MEI4: variants seen among roughly 807,000 people sequenced by gnomAD.
MEI4 encodes meiotic double-stranded break formation protein 4, also known as meiosis-specific protein MEI4.
In MEI4, 27 loss-of-function variants were observed where a neutral mutation model predicts 31.4. The ratio of observed to expected loss-of-function variants is 0.86; its 90% CI spans 0.63 to 1.19. The LOEUF (loss-of-function observed/expected upper bound fraction) is 1.19, where lower values mean the gene tolerates loss of function less well. MEI4 is among the 50% of genes most tolerant of loss of function. The pLI, the probability that MEI4 is intolerant of heterozygous loss-of-function variation, is 0.00. For missense variants in MEI4, 329 were observed against 398.9 expected (o/e 0.82, Z 1.49); for synonymous variants, 122 against 145.4 (o/e 0.84, Z 1.16).
chr6:77,921,385 T>G lies in MEI4; in HGVS notation c.901-1704T>G, dbSNP rs563386447. Among the ~76,000 whole-genome samples, 17 of 151,962 alleles carry G rather than the reference T, an allele frequency of 1.1e-4. No homozygotes were observed. In the South Asian group the frequency reaches 3.5e-3, roughly 31 times the overall value. On this transcript the variant is annotated intron_variant, in intron 4 of 4. Transcript: ENST00000684080. ...TGAAGAGTTAGGCCTTTTCTCTGGT[T>G]CAGGTATTGGCTTAAGTGAATATTG...
intron 4 of MEI4, among the ~76,000 whole-genome samples, chr6:77,874,283 A>G (rs1011945438): frequency 9.2e-5 from 14 of 152,060 alleles, no homozygotes; most frequent in African/African-American, 3.4e-4. Flanking sequence ...TATTTCCTTG[A>G]GCAGTGGTTT....
chr6:77,740,792 A>G (rs1364694299), intron 2 of MEI4, among the ~76,000 whole-genome samples: 1 of 151,890 alleles, frequency 6.6e-6, no homozygotes, highest in East Asian at 1.9e-4. Flanking sequence ...ATTTATAAAT[A>G]ATGTTGAACA....
intron 4 of MEI4, among the ~76,000 whole-genome samples, chr6:77,876,977 A>G (rs890835790): frequency 1.2e-4 from 19 of 152,194 alleles, no homozygotes; most frequent in African/African-American, 3.4e-4. Flanking sequence ...GTTCATGCCC[A>G]TTAATACAAG....
chr6:77,831,632 A>G (rs916962447), intron 4 of MEI4, among the ~76,000 whole-genome samples: 2 of 151,868 alleles, frequency 1.3e-5, no homozygotes, highest in African/African-American at 2.4e-5. Context: ...GTAGGTGATT[A>G]TGTTAAGTGA....
At chr6:77,810,818 G>C (rs1269116664) in intron 3 of MEI4, among the ~76,000 whole-genome samples, 3 of 152,002 alleles carry the variant, frequency 2.0e-5, no homozygotes, top group Non-Finnish European at 4.4e-5. Context: ...ATTCTTGTTT[G>C]TATTTTGGAT....
At chr6:77,754,055 G>A (rs1767851266) in intron 2 of MEI4, among the ~76,000 whole-genome samples, 1 of 151,920 alleles carries the variant, frequency 6.6e-6, no homozygotes, top group Non-Finnish European at 1.5e-5. Context: ...AACAATGAAA[G>A]CACATGGACA....
chr6:77,697,903 G>C (rs1046296248), intron 2 of MEI4, among the ~76,000 whole-genome samples: 1 of 152,150 alleles, frequency 6.6e-6, no homozygotes, highest in Non-Finnish European at 1.5e-5. Flanking sequence ...GGGAGACTAA[G>C]TCTCTTTGTA....
chr6:77,854,361 G>GA (rs1489767113), intron 4 of MEI4, among the ~76,000 whole-genome samples: 1 of 148,300 alleles, frequency 6.7e-6, no homozygotes, highest in Non-Finnish European at 1.5e-5. Flanking sequence ...GAAGTGAATA[G>GA]AAAAAATGAA....
chr6:77,803,774 C>A (rs907263438), intron 3 of MEI4, among the ~76,000 whole-genome samples: 1 of 152,156 alleles, frequency 6.6e-6, no homozygotes, highest in Non-Finnish European at 1.5e-5. Flanking sequence ...GCAGCGGAGT[C>A]TGCAGAACAG....
chr6:77,687,252 G>T (rs1425286702), intron 1 of MEI4, among the ~76,000 whole-genome samples: 2 of 152,074 alleles, frequency 1.3e-5, no homozygotes, highest in Non-Finnish European at 2.9e-5. Context: ...AAACTATTAA[G>T]AATTAAGAGA....
intron 4 of MEI4, among the ~76,000 whole-genome samples, chr6:77,884,506 A>T (rs1456891800): frequency 6.6e-6 from 1 of 152,142 alleles, no homozygotes; most frequent in African/African-American, 2.4e-5. Flanking sequence ...GTAAATCTTC[A>T]ATCTGTTTTG....
At chr6:77,673,106 A>C (rs948032226) in intron 1 of MEI4, among the ~76,000 whole-genome samples, 15 of 152,182 alleles carry the variant, frequency 9.9e-5, no homozygotes, top group Non-Finnish European at 2.1e-4. Flanking sequence ...TTTTGGATTC[A>C]AGATTACTGA....
intron 4 of MEI4, among the ~76,000 whole-genome samples, chr6:77,910,478 C>A (rs1391070944): frequency 1.3e-5 from 2 of 152,060 alleles, no homozygotes; most frequent in African/African-American, 4.8e-5. Context: ...AATAAAATAC[C>A]TAGGAATCCA....
rs557991285 is a variant in MEI4 at position 77,730,940 on chromosome 6, C to T, written c.233-30190C>T. Among the ~76,000 whole-genome samples, 285 of 151,870 alleles carry T rather than the reference C, an allele frequency of 1.9e-3. 8 individuals carry two copies. Among genetic ancestry groups the T allele is most frequent in the African/African-American group, 6.6e-3 (273 of 41,282 alleles). On this transcript the variant is annotated intron_variant, in intron 2 of 4. Transcript: ENST00000684080. ...CTGATTTCCAATTTCATCCATGTCCCTACAAAGGACATGAACCCATCATTT... is the reference window on the plus strand; with the variant it reads ...CTGATTTCCAATTTCATCCATGTCCTTACAAAGGACATGAACCCATCATTT...
At chr6:77,734,221 G>T (rs963598563) in intron 2 of MEI4, among the ~76,000 whole-genome samples, 4 of 152,024 alleles carry the variant, frequency 2.6e-5, no homozygotes, top group Non-Finnish European at 5.9e-5. Flanking sequence ...AATGTTGACA[G>T]TGCGGTGTTA....
chr6:77,894,216 C>A (rs1448247178), intron 4 of MEI4, among the ~76,000 whole-genome samples: 1 of 151,402 alleles, frequency 6.6e-6, no homozygotes, highest in Non-Finnish European at 1.5e-5. Flanking sequence ...TGTATGATTA[C>A]TTTTTCTTTA....
rs1766792113 is a variant in MEI4, at chr6:77,924,308, A to AGG, written c.*962_*963insGG. 6.6e-6 allele frequency: 1 copy of AGG among 151,922 alleles called. No homozygotes were observed. The highest frequency in any genetic ancestry group is 2.1e-4 in the South Asian group (1 of 4,832). 9.4% of individuals were successfully genotyped at this position (151,922 alleles called of 1,614,324 possible). On this transcript the variant is annotated 3_prime_UTR_variant, in exon 5 of 5. Transcript: ENST00000684080. ...AGCATTCCTAAATGTCGTTGGCATT[A>AGG]AAAGTAATCTTGATAATTCCATCTA...
At chr6:77,907,262 T>C (rs1406811966) in intron 4 of MEI4, among the ~76,000 whole-genome samples, 2 of 152,110 alleles carry the variant, frequency 1.3e-5, no homozygotes, top group Non-Finnish European at 2.9e-5. Flanking sequence ...ACATTAGGTA[T>C]ATCTCCAAAT....
intron 1 of MEI4, among the ~76,000 whole-genome samples, chr6:77,675,651 T>G (rs1038017717): frequency 1.3e-5 from 2 of 152,086 alleles, no homozygotes; most frequent in African/African-American, 4.8e-5. Context: ...AATTGCCGTA[T>G]GTATGAATTT....
Sources: allele counts gnomAD v4.1 joint callset (sites outside exome capture counted in the v4.1 genomes callset), GRCh38; gene constraint gnomAD v4.1.1; transcripts MANE v1.5; gene names NCBI Gene and HGNC (gene_info 2026-07-23, HGNC 2026-07-21).